The following CADM2 variants were observed in gnomAD, a reference collection of about 807,000 sequenced individuals.
The protein encoded by CADM2 is immunoglobulin superfamily member 4D.
In CADM2, 12 loss-of-function variants were observed where a neutral mutation model predicts 49.8. The observed-to-expected ratio is 0.24, with a 90% CI of 0.15 to 0.39. The LOEUF (loss-of-function observed/expected upper bound fraction) is 0.39. Among genes scored for constraint, CADM2 ranks in the 10% least tolerant of loss-of-function variants. CADM2 has a pLI of 1.00. For missense variants in CADM2, 378 were observed against 492.3 expected (o/e 0.77, Z 2.20); for synonymous variants, 214 against 175.4 (o/e 1.22, Z -1.74).
At chr3:85,422,265 T>C (rs1377481660) in intron 1 of CADM2, among the ~76,000 whole-genome samples, 1 of 152,194 alleles carries the variant, frequency 6.6e-6, no homozygotes, top group Non-Finnish European at 1.5e-5. Context: ...GTTTAATTAT[T>C]TGCGAATGAA....
At chr3:85,623,415 G>A (rs773887291) in intron 1 of CADM2, among the ~76,000 whole-genome samples, 2 of 152,024 alleles carry the variant, frequency 1.3e-5, no homozygotes, top group Non-Finnish European at 2.9e-5. Context: ...TTTAATAAAA[G>A]GTGTCATTTT....
chr3:85,492,576 G>A (rs2039719306), intron 1 of CADM2, among the ~76,000 whole-genome samples: 1 of 151,066 alleles, frequency 6.6e-6, no homozygotes, highest in Non-Finnish European at 1.5e-5. Context: ...CGACAGAGCG[G>A]GACTCCATTT....
chr3:85,652,736 G>C (rs1481775856), intron 1 of CADM2, among the ~76,000 whole-genome samples: 2 of 135,952 alleles, frequency 1.5e-5, no homozygotes, highest in African/African-American at 5.5e-5. Flanking sequence ...AAATGCCAAT[G>C]TGCATACAAA....
intron 1 of CADM2, among the ~76,000 whole-genome samples, chr3:85,328,019 C>T (rs972878246): frequency 1.3e-5 from 2 of 152,082 alleles, no homozygotes; most frequent in Admixed American, 6.6e-5. Flanking sequence ...TGTTTTCAGT[C>T]GAAATACTTC....
intron 1 of CADM2, among the ~76,000 whole-genome samples, chr3:84,971,992 G>A (rs1479282126): frequency 6.6e-6 from 1 of 152,098 alleles, no homozygotes; most frequent in Non-Finnish European, 1.5e-5. Flanking sequence ...TTATTTTGTA[G>A]TGAGGGTTCT....
intron 1 of CADM2, among the ~76,000 whole-genome samples, chr3:85,546,124 A>G (rs1219266988): frequency 6.6e-6 from 1 of 152,138 alleles, no homozygotes; most frequent in Admixed American, 6.5e-5. Context: ...TATTACCTTT[A>G]TGCTCAAGTC....
At chr3:85,173,625 C>G (rs1012359176) in intron 1 of CADM2, among the ~76,000 whole-genome samples, 2 of 152,122 alleles carry the variant, frequency 1.3e-5, no homozygotes, top group African/African-American at 4.8e-5. Flanking sequence ...ATAAAGATGA[C>G]AGGAAGACAT....
intron 1 of CADM2, among the ~76,000 whole-genome samples, chr3:85,064,764 C>T (rs934913801): frequency 6.6e-6 from 1 of 152,064 alleles, no homozygotes; most frequent in Admixed American, 6.6e-5. Flanking sequence ...TTATATTTCT[C>T]TCTTCTCTGC....
intron 1 of CADM2, among the ~76,000 whole-genome samples, chr3:85,009,132 T>A (rs937910266): frequency 6.6e-6 from 1 of 152,144 alleles, no homozygotes; most frequent in Non-Finnish European, 1.5e-5. Context: ...CTGGGGAAGT[T>A]GAGAATGAAT....
chr3:85,059,876 A>G (rs2036239202), intron 1 of CADM2, among the ~76,000 whole-genome samples: 2 of 152,206 alleles, frequency 1.3e-5, no homozygotes, highest in Admixed American at 1.3e-4. Flanking sequence ...ATGGGCTAAT[A>G]CACATGTATT....
At chr3:85,655,514 A>T (rs1256629996) in intron 1 of CADM2, among the ~76,000 whole-genome samples, 1 of 148,476 alleles carries the variant, frequency 6.7e-6, no homozygotes, top group East Asian at 1.9e-4. Flanking sequence ...CTTCTTAATA[A>T]AAAAAAAAAG....
chr3:85,705,211 G>T (rs2066905523), intron 1 of CADM2, among the ~76,000 whole-genome samples: 2 of 144,190 alleles, frequency 1.4e-5, no homozygotes, highest in African/African-American at 2.6e-5. Context: ...AAATTATAAT[G>T]GGGTTCAAGT....
chr3:85,383,151 C>G (rs1191393078), intron 1 of CADM2, among the ~76,000 whole-genome samples: 1 of 152,188 alleles, frequency 6.6e-6, no homozygotes, highest in Admixed American at 6.5e-5. Flanking sequence ...TCCTGCATCT[C>G]ACTTCCATCT....
chr3:85,946,793 A>G (rs964434679), intron 7 of CADM2, among the ~76,000 whole-genome samples: 6 of 152,162 alleles, frequency 3.9e-5, no homozygotes, highest in Non-Finnish European at 7.4e-5. Flanking sequence ...ACAAAAATCA[A>G]TTCAAGATGG....
rs143314568 is a variant in CADM2 at position 85,184,947 on chromosome 3, C to G, written c.61+225279C>G. On this transcript the variant is annotated intron_variant, in intron 1 of 9. Coordinates refer to ENST00000383699, the MANE Select transcript of CADM2 (RefSeq NM_001167675.2). ...TTTGCTTTAAATTAAGGCAAAGCAG[C>G]TGCCTTTGTGGAATACTCAGTAGTA... Among the ~76,000 whole-genome samples, 301 of 152,180 alleles carry G rather than the reference C, an allele frequency of 2.0e-3. 1 individual carries two copies. The highest frequency in any genetic ancestry group is 6.9e-3 in the African/African-American group (287 of 41,540).
At chr3:84,965,431 T>C (rs540364058) in intron 1 of CADM2, among the ~76,000 whole-genome samples, 1 of 152,328 alleles carries the variant, frequency 6.6e-6, no homozygotes, top group South Asian at 2.1e-4. Context: ...AAAACATCCT[T>C]TAGCTTTTTA....
chr3:86,071,014 T>C lies in CADM2; in HGVS notation c.*4231T>C, dbSNP rs1222488599. 1.3e-5 allele frequency: 2 copies of C among 151,954 alleles called. No homozygotes were observed. The highest frequency in any genetic ancestry group is 6.6e-5 in the Admixed American group (1 of 15,238). The allele number at this position is 151,954 out of a possible 1,614,324, so 9.4% of individuals were successfully genotyped here. ...AGGTTGCTAATCTTCACCTCTCACATACTAAAGCATTCATTAAAAATACAA... is the reference window on the plus strand; with the variant it reads ...AGGTTGCTAATCTTCACCTCTCACACACTAAAGCATTCATTAAAAATACAA... On this transcript the variant is annotated 3_prime_UTR_variant, in exon 10 of 10. Coordinates refer to ENST00000383699, the MANE Select transcript of CADM2 (RefSeq NM_001167675.2).
chr3:85,606,597 C>T (rs149961038), intron 1 of CADM2, among the ~76,000 whole-genome samples: 43 of 152,100 alleles, frequency 2.8e-4, no homozygotes, highest in African/African-American at 9.6e-4. Flanking sequence ...AAAAATATTG[C>T]GGAGTGCTAC....
intron 1 of CADM2, among the ~76,000 whole-genome samples, chr3:85,095,148 G>A (rs1050684858): frequency 1.3e-5 from 2 of 152,088 alleles, no homozygotes; most frequent in African/African-American, 4.8e-5. Context: ...TTGTTCAAAC[G>A]TTTTAATTTA....
Sources: allele counts gnomAD v4.1 joint callset (sites outside exome capture counted in the v4.1 genomes callset), GRCh38; gene constraint gnomAD v4.1.1; transcripts MANE v1.5; gene names NCBI Gene and HGNC (gene_info 2026-07-23, HGNC 2026-07-21).